Variants in EPB41L2 observed in about 807,000 individuals in gnomAD.
EPB41L2 encodes band 4.1-like protein 2.
EPB41L2 carries 43 observed loss-of-function variants against 113.0 expected under a neutral mutation model. That is an observed-to-expected ratio of 0.38 (90% confidence interval 0.30 to 0.49). The LOEUF is 0.49. EPB41L2 is among the 20% of genes least tolerant of loss of function. EPB41L2 has a pLI of 0.95. For synonymous variants in EPB41L2, 442 were observed against 436.7 expected, an observed-to-expected ratio of 1.01 and a Z score of -0.15; for missense variants, 1,147 against 1,223.4, an observed-to-expected ratio of 0.94 and a Z score of 0.93.
chr6:130,876,589 G>T, intron 14 of EPB41L2: 1 of 854,648 alleles, frequency 1.2e-6, no homozygotes, highest in Non-Finnish European at 1.6e-6. Context: ...TGACACACAG[G>T]AAAAAAGAAA....
At chr6:130,999,196 C>G (rs1489347712) in intron 1 of EPB41L2, among the ~76,000 whole-genome samples, 1 of 152,144 alleles carries the variant, frequency 6.6e-6, no homozygotes, top group African/African-American at 2.4e-5. Flanking sequence ...TCCCCTACCC[C>G]TCTTTCAGAG....
chr6:130,902,482 A>G (rs1266488044), intron 6 of EPB41L2, among the ~76,000 whole-genome samples: 1 of 152,186 alleles, frequency 6.6e-6, no homozygotes, highest in Non-Finnish European at 1.5e-5. Flanking sequence ...GAGAGACTGA[A>G]AGTCTTCTCG....
At chr6:130,904,282 A>G (rs1455374204) in intron 6 of EPB41L2, among the ~76,000 whole-genome samples, 183 bp downstream of exon 6, 1 of 152,180 alleles carries the variant, frequency 6.6e-6, no homozygotes, top group Non-Finnish European at 1.5e-5. Flanking sequence ...AAGAAAGTGA[A>G]TAAAATTTTT....
intron 1 of EPB41L2, among the ~76,000 whole-genome samples, chr6:131,020,678 A>T (rs1395231560): frequency 6.6e-6 from 1 of 152,192 alleles, no homozygotes; most frequent in Non-Finnish European, 1.5e-5. Flanking sequence ...GGGGTCAACC[A>T]AGCCATTACT....
At chr6:130,962,674 C>CG (rs1176986605) in intron 1 of EPB41L2, among the ~76,000 whole-genome samples, 1 of 152,192 alleles carries the variant, frequency 6.6e-6, no homozygotes, top group African/African-American at 2.4e-5. Flanking sequence ...ACATACAAAA[C>CG]ATATGAACTA....
chr6:130,843,786 A>G (rs1338779208), intron 19 of EPB41L2, among the ~76,000 whole-genome samples: 1 of 152,212 alleles, frequency 6.6e-6, no homozygotes, highest in Non-Finnish European at 1.5e-5. Flanking sequence ...ATGTGGCTCA[A>G]TTTCATCTAA....
chr6:131,027,008 T>C (rs1052426714), intron 1 of EPB41L2, among the ~76,000 whole-genome samples: 1 of 152,250 alleles, frequency 6.6e-6, no homozygotes. Flanking sequence ...TTTATCTACA[T>C]AACTCATTTG....
At chr6:130,948,116 T>C (rs1813568029) in intron 3 of EPB41L2, among the ~76,000 whole-genome samples, 1 of 152,230 alleles carries the variant, frequency 6.6e-6, no homozygotes, top group African/African-American at 2.4e-5. Flanking sequence ...TTCATTCTTA[T>C]AATGGCAATA....
At chr6:131,005,251 G>C (rs1414412956) in intron 1 of EPB41L2, among the ~76,000 whole-genome samples, 1 of 151,210 alleles carries the variant, frequency 6.6e-6, no homozygotes, top group East Asian at 2.0e-4. Context: ...CTGGTGATGT[G>C]GTTTATAGGC....
intron 1 of EPB41L2, among the ~76,000 whole-genome samples, chr6:131,053,652 C>T (rs1797067521): frequency 6.6e-6 from 1 of 152,082 alleles, no homozygotes; most frequent in South Asian, 2.1e-4. Flanking sequence ...TGTACCTAAT[C>T]ACAAGAAACA....
intron 4 of EPB41L2, among the ~76,000 whole-genome samples, chr6:130,913,524 C>T (rs914977290): frequency 6.6e-6 from 1 of 152,184 alleles, no homozygotes; most frequent in African/African-American, 2.4e-5. Context: ...CAGTTTTAGG[C>T]AACCAGTGAG....
intron 1 of EPB41L2, among the ~76,000 whole-genome samples, chr6:130,960,278 A>C (rs1217608378): frequency 1.3e-5 from 2 of 152,222 alleles, no homozygotes; most frequent in East Asian, 3.8e-4. Context: ...CAGTTAGTGA[A>C]AATGACTATG....
intron 1 of EPB41L2, among the ~76,000 whole-genome samples, chr6:130,970,756 C>CT (rs1051235850): frequency 6.6e-6 from 1 of 152,208 alleles, no homozygotes; most frequent in African/African-American, 2.4e-5. Flanking sequence ...AGTAGTCCCC[C>CT]TTATCCTCGG....
chr6:130,946,672 T>G (rs1239221212), intron 3 of EPB41L2, among the ~76,000 whole-genome samples: 1 of 151,992 alleles, frequency 6.6e-6, no homozygotes, highest in Non-Finnish European at 1.5e-5. Context: ...CATGGGGATA[T>G]AGACACATAA....
chr6:130,978,993 T>C (rs534406733), intron 1 of EPB41L2, among the ~76,000 whole-genome samples: 1 of 152,032 alleles, frequency 6.6e-6, no homozygotes, highest in Non-Finnish European at 1.5e-5. Context: ...TAGAGAACAC[T>C]GAGAACTTCA....
rs1386394801 is a variant in EPB41L2 at position 131,007,957 on chromosome 6, G to A, written c.-14-51458C>T. On this transcript the variant is annotated intron_variant, in intron 1 of 19. Transcript: ENST00000337057. ...CAGAGCATTAAAGTTTGGAAAATTT[G>A]CAGCCTGACAATGCAATAAAAAAGA... 2.0e-5 allele frequency among the ~76,000 whole-genome samples: 3 copies of A among 152,234 alleles called. No individual in the cohort carries two copies. In the East Asian group the frequency reaches 5.8e-4, roughly 29 times the overall value.
chr6:130,991,929 A>ACC (rs1239027098), intron 1 of EPB41L2, among the ~76,000 whole-genome samples: 1 of 152,080 alleles, frequency 6.6e-6, no homozygotes, highest in Non-Finnish European at 1.5e-5. Context: ...CTAAACATAC[A>ACC]CCCACCCGTT....
chr6:130,920,555 G>C (rs1363918717), intron 4 of EPB41L2, among the ~76,000 whole-genome samples: 3 of 152,088 alleles, frequency 2.0e-5, no homozygotes, highest in Non-Finnish European at 4.4e-5. Context: ...AAGTGCAGTG[G>C]TGCAATCACA....
chr6:130,856,861 C>T (rs73632204), intron 19 of EPB41L2, among the ~76,000 whole-genome samples: 4,143 of 152,220 alleles, frequency 0.027, 177 homozygotes, highest in African/African-American at 0.084. Context: ...AACTAATCCC[C>T]TACTCTTGAC....
Sources: gnomAD v4.1 joint callset for allele counts (sites outside exome capture counted in the v4.1 genomes callset) on GRCh38, gnomAD v4.1.1 for gene constraint, MANE v1.5 for transcripts, NCBI Gene and HGNC (gene_info 2026-07-23, HGNC 2026-07-21) for gene names.